Variants in OR6K3 observed in about 807,000 individuals in gnomAD.
The protein encoded by OR6K3 is olfactory receptor family 6 subfamily K member 3, also known as olfactory receptor 6K3.
For missense variants in OR6K3, 396 were observed against 382.5 expected (o/e 1.04, Z -0.29); for synonymous variants, 169 against 137.7 (o/e 1.23, Z -1.59).
At chr1:158,723,143 G>A (rs1196016408), upstream of OR6K3, among the ~76,000 whole-genome samples, 1 of 151,902 alleles carries the variant, frequency 6.6e-6, no homozygotes, top group East Asian at 1.9e-4. Context: ...AATTTCTAGT[G>A]GCAATGCATA....
chr1:158,719,528 T>A (rs1419612545), intron 1 of OR6K3, among the ~76,000 whole-genome samples: 1 of 152,000 alleles, frequency 6.6e-6, no homozygotes, highest in Non-Finnish European at 1.5e-5. Context: ...AAATCACAGT[T>A]CTCTCCTGTT....
chr1:158,721,520 A>T (rs1432685769), upstream of OR6K3, among the ~76,000 whole-genome samples: 1 of 151,690 alleles, frequency 6.6e-6, no homozygotes. Context: ...ACGATTTGGG[A>T]GCCTATTTTG....
At chr1:158,718,177 AAAAAATAAATAAGATGTACAGCT>A (rs1223628963) in intron 1 of OR6K3, 45 bp from the exon 2 acceptor site, 2 of 991,256 alleles carry the variant, frequency 2.0e-6, no homozygotes, top group East Asian at 4.8e-5. Context: ...AGGGTAGAGA[AAAAAATAAATAAGATGTACAGCT>A]AAACATCTTT....
Position 158,717,432 on chromosome 1 carries a change from G to A in OR6K3, c.684C>T (p.Pro228=), listed in dbSNP as rs1243028216. The part of the protein sequence containing the change: ...VRIVTVILRI[P]SSEGRQKAFS... The stretch of plus-strand genomic sequence containing the variant: ...AAGCCTTTTGCCTCCCTTCAGAAGA[G>A]GGAATCCTCAATATCACAGTGACAA... Residue 228 remains proline, a synonymous_variant, in exon 2 of 2, where the codon CCC becomes CCT. Coordinates refer to ENST00000368145, the MANE Select transcript of OR6K3 (RefSeq NM_001005327.3). The A allele has an allele frequency of 6.2e-7, 1 of 1,613,704 alleles. No individual in the cohort carries two copies.
upstream of OR6K3, among the ~76,000 whole-genome samples, chr1:158,722,647 C>A (rs933325476): frequency 5.9e-5 from 9 of 152,010 alleles, no homozygotes; most frequent in African/African-American, 1.9e-4. Context: ...CAACACCGGG[C>A]AGATAAGTAT....
Position 158,717,933 on chromosome 1 carries a change from A to G in OR6K3, c.183T>C (p.Asn61=), listed in dbSNP as rs761755567. ...LDTHLHNPMY[N]FISIFSFLEI... The stretch of plus-strand genomic sequence containing the variant: ...CCAGAAAGGAAAATATACTGATAAA[A>G]TTATACATGGGGTTGTGGAGATGGG... Residue 61 remains asparagine, a synonymous_variant, in exon 2 of 2, where the codon AAT becomes AAC. Coordinates refer to ENST00000368145, the MANE Select transcript of OR6K3 (RefSeq NM_001005327.3). The G allele has an allele frequency of 3.1e-6, 5 of 1,613,638 alleles. No individual in the cohort carries two copies. In the African/African-American group the frequency reaches 6.7e-5, roughly 22 times the overall value.
In OR6K3 at chr1:158,717,232, T is replaced by C; in HGVS notation, c.884A>G (p.Asp295Gly). ...NPIIYSLRNK[D>G]MNNAIKKLFC... ...CAGTTTTTTAATCGCATTGTTCATGTCCTTGTTTCTCAGGCTATAAATGAT... is the reference window on the plus strand; with the variant it reads ...CAGTTTTTTAATCGCATTGTTCATGCCCTTGTTTCTCAGGCTATAAATGAT... Residue 295 changes from aspartate (D) to glycine (G), a missense_variant, in exon 2 of 2, where the codon GAC (aspartate) becomes GGC (glycine). Physicochemically the swap from Asp to Gly is moderately conservative, Grantham distance 94 (BLOSUM62 -1). Transcript: ENST00000368145. 1.2e-6 allele frequency: 2 copies of C among 1,613,692 alleles called. No individual in the cohort carries two copies. The highest frequency in any genetic ancestry group is 1.7e-6 in the Non-Finnish European group (2 of 1,179,704).
chr1:158,722,261 T>C (rs532667879), upstream of OR6K3, among the ~76,000 whole-genome samples: 11 of 152,118 alleles, frequency 7.2e-5, no homozygotes, highest in East Asian at 2.1e-3. Flanking sequence ...ATATTAAATA[T>C]CTAAATATGC....
rs935760540 is a variant in OR6K3, at chr1:158,718,087, G to A, written c.29C>T (p.Thr10Ile). 2.6e-5 allele frequency: 42 copies of A among 1,612,272 alleles called. No individual in the cohort carries two copies. Among genetic ancestry groups the A allele is most frequent in the Non-Finnish European group, 3.3e-5 (39 of 1,179,124 alleles). ...AGGGAATCCAGTGAAGATAAATTCA[G>A]TCACTGTTGATTGGTTTCCGCTCTC... is the stretch of plus-strand genomic sequence containing the variant. Reference protein sequence around the residue: MESGNQSTVTEFIFTGFPQL... With the variant: MESGNQSTVIEFIFTGFPQL... The change falls in exon 2 of 2, where the codon ACT (threonine) becomes ATT (isoleucine). Residue 10 changes from threonine (T) to isoleucine (I), a missense_variant. Coordinates refer to ENST00000368145, the MANE Select transcript of OR6K3 (RefSeq NM_001005327.3).
Position 158,717,237 on chromosome 1 carries a change from G to C in OR6K3, c.879C>G (p.Asn293Lys). The part of the protein sequence containing the change: ...FFNPIIYSLR[N>K]KDMNNAIKKL... ...TTTTAATCGCATTGTTCATGTCCTT[G>C]TTTCTCAGGCTATAAATGATGGGAT... Residue 293 changes from asparagine (N) to lysine (K), a missense_variant, in exon 2 of 2, where the codon AAC becomes AAG. By Grantham distance (94) the Asn-to-Lys change is moderately conservative (BLOSUM62 0). Coordinates refer to ENST00000368145, the MANE Select transcript of OR6K3 (RefSeq NM_001005327.3). The C allele has an allele frequency of 6.2e-7, 1 of 1,613,580 alleles. No individual in the cohort carries two copies. Among genetic ancestry groups the C allele is most frequent in the Non-Finnish European group, 8.5e-7 (1 of 1,179,666 alleles).
chr1:158,720,640 T>C (rs397469), intron 1 of OR6K3, 43 bp downstream of exon 1: 92,425 of 151,808 alleles, frequency 0.61, 28,300 homozygotes, highest in African/African-American at 0.64. Flanking sequence ...TTATGCATGG[T>C]GAATGAATTC....
At position 158,717,386 on chromosome 1, in the gene OR6K3, G is replaced by T; in HGVS notation, c.730C>A (p.Leu244Ile). The change falls in exon 2 of 2, where the codon CTC becomes ATC. Residue 244 changes from leucine (L) to isoleucine (I), a missense_variant. By Grantham distance (5) the Leu-to-Ile change is conservative. Transcript: ENST00000368145. ...QKAFSTCAGH[L>I]MVFPIFFGSV... Reference sequence around the variant, plus strand: ...CCAAAGAATATCGGGAAGACCATGAGGTGGCCTGCACAGGTAGAAAAAGCC... The same window carrying T: ...CCAAAGAATATCGGGAAGACCATGATGTGGCCTGCACAGGTAGAAAAAGCC... 6.2e-7 allele frequency: 1 copy of T among 1,613,666 alleles called. No homozygotes were observed. The highest frequency in any genetic ancestry group is 8.5e-7 in the Non-Finnish European group (1 of 1,179,742).
chr1:158,720,970 T>C (rs1233401347), upstream of OR6K3, among the ~76,000 whole-genome samples: 1 of 151,996 alleles, frequency 6.6e-6, no homozygotes, highest in Non-Finnish European at 1.5e-5. Flanking sequence ...GTACTCATCT[T>C]CCCAAATTTG....
upstream of OR6K3, among the ~76,000 whole-genome samples, chr1:158,723,227 G>GTCTGTCTATCTATCTA (rs144431997): frequency 6.0e-5 from 9 of 150,216 alleles, no homozygotes; most frequent in East Asian, 2.0e-4. Flanking sequence ...TTACCTATCT[G>GTCTGTCTATCTATCTA]TCTATCTATC....
Position 158,718,140 on chromosome 1 carries a change from T to C in OR6K3, c.-17-8A>G, listed in dbSNP as rs192312283. 124 of 1,437,780 alleles carry C rather than the reference T, an allele frequency of 8.6e-5. No individual in the cohort carries two copies. In the East Asian group the frequency reaches 2.8e-3, roughly 33 times the overall value. 89.1% of individuals were successfully genotyped at this position (1,437,780 alleles called of 1,614,324 possible). On this transcript the variant is annotated splice_polypyrimidine_tract_variant and splice_region_variant and intron_variant, in intron 1 of 1. Coordinates refer to ENST00000368145, the MANE Select transcript of OR6K3 (RefSeq NM_001005327.3). ...TATTTCTAGTAGAGCTACCTGTAAA[T>C]GGAGAGGGCATAGTCCAGCACATGA...
chr1:158,717,818 G>T lies in OR6K3; in HGVS notation c.298C>A (p.Gln100Lys). ...TCAAGTGAGTGGAAGAAATACATCT[G>T]CAAGATGCAGCCAGTCATTGAGATG... ...KAISMTGCIL[Q>K]MYFFHSLENS... is the part of the protein sequence containing the mutation. Residue 100 changes from glutamine (Q) to lysine (K), a missense_variant, in exon 2 of 2, where the codon CAG (glutamine) becomes AAG (lysine). Transcript: ENST00000368145. 1 of 1,613,850 alleles carries T rather than the reference G, an allele frequency of 6.2e-7. No individual in the cohort carries two copies. The highest frequency in any genetic ancestry group is 2.2e-5 in the East Asian group (1 of 44,848).
At chr1:158,719,739 T>C (rs567270199) in intron 1 of OR6K3, among the ~76,000 whole-genome samples, 1 of 152,228 alleles carries the variant, frequency 6.6e-6, no homozygotes, top group Admixed American at 6.6e-5. Flanking sequence ...ATATCTCATT[T>C]GTAAAACTGA....
In OR6K3 at chr1:158,716,996, TAA is replaced by T. The variant is rs1656160527; in HGVS notation, c.*170_*171del. ...AGCTGGGTGTGGTGGTGCATGCCTG[TAA>T]TCGCGGCTACTAGGGAGGCTGAGGC... is the stretch of plus-strand genomic sequence containing the variant. On this transcript the variant is annotated 3_prime_UTR_variant, in exon 2 of 2. Transcript: ENST00000368145. The T allele has an allele frequency of 1.8e-6, 1 of 571,394 alleles. No individual in the cohort carries two copies. Among genetic ancestry groups the T allele is most frequent in the Non-Finnish European group, 3.2e-6 (1 of 316,502 alleles). 35.4% of individuals were successfully genotyped at this position (571,394 alleles called of 1,614,324 possible).
chr1:158,717,420 C>T lies in OR6K3; in HGVS notation c.696G>A (p.Gly232=). Reference sequence around the variant, plus strand: ...CACAGGTAGAAAAAGCCTTTTGCCTCCCTTCAGAAGAGGGAATCCTCAATA... The same window carrying T: ...CACAGGTAGAAAAAGCCTTTTGCCTTCCTTCAGAAGAGGGAATCCTCAATA... ...TVILRIPSSE[G]RQKAFSTCAG... Residue 232 remains glycine (G), a synonymous_variant, in exon 2 of 2, where the codon GGG becomes GGA. Transcript: ENST00000368145. The T allele has an allele frequency of 6.2e-7, 1 of 1,613,730 alleles. No homozygotes were observed. Among genetic ancestry groups the T allele is most frequent in the Non-Finnish European group, 8.5e-7 (1 of 1,179,802 alleles).
Sources: gnomAD v4.1 joint callset for allele counts (sites outside exome capture counted in the v4.1 genomes callset) on GRCh38, gnomAD v4.1.1 for gene constraint, MANE v1.5 for transcripts, NCBI Gene and HGNC (gene_info 2026-07-23, HGNC 2026-07-21) for gene names.